The following CMTM4 variants were observed in gnomAD, a reference collection of about 807,000 sequenced individuals.
The protein encoded by CMTM4 is CKLF like MARVEL transmembrane domain containing 4, also known as CKLF-like MARVEL transmembrane domain-containing protein 4.
A neutral mutation model predicts 19.0 loss-of-function variants in CMTM4; 8 were observed. That is an observed-to-expected ratio of 0.42 (90% CI 0.25 to 0.76). CMTM4 has a LOEUF of 0.76. Among genes scored for constraint, CMTM4 ranks in the 30% least tolerant of loss-of-function variants. CMTM4 has a pLI of 0.27. For synonymous variants in CMTM4, 106 were observed against 121.1 expected, an observed-to-expected ratio of 0.88 and a Z score of 0.82; for missense variants, 228 against 290.2, an observed-to-expected ratio of 0.79 and a Z score of 1.56.
At chr16:66,609,539 C>T in the CMTM4 span, 1 of 1,583,282 alleles carries the variant, frequency 6.3e-7, no homozygotes. This position sits in a 1 kb window ranked among gnomAD's most constrained non-coding sequence, Gnocchi z 4.4. Flanking sequence ...GGGTGAGCAG[C>T]CGCCCCACCC....
intron 1 of CMTM4, among the ~76,000 whole-genome samples, chr16:66,682,980 T>C (rs896296419): frequency 1.3e-5 from 2 of 151,810 alleles, no homozygotes; most frequent in South Asian, 2.1e-4. Context: ...ATCTGTCTCC[T>C]AAGCAAAATC....
downstream of CMTM4, chr16:66,613,029 A>G (rs1309199759): frequency 1.4e-6 from 1 of 702,898 alleles, no homozygotes; most frequent in South Asian, 1.5e-5. Context: ...AACAGGAACA[A>G]AGACAGAAAC....
At chr16:66,672,802 T>C (rs2016735004) in intron 1 of CMTM4, among the ~76,000 whole-genome samples, 1 of 146,684 alleles carries the variant, frequency 6.8e-6, no homozygotes, top group Non-Finnish European at 1.5e-5. Context: ...TTTTTTTGTA[T>C]TTTTAGTAGA....
At chr16:66,613,344 G>A (rs2015455734), downstream of CMTM4, 1 of 541,322 alleles carries the variant, frequency 1.8e-6, no homozygotes, top group South Asian at 2.4e-5. Flanking sequence ...GAAGACAGAG[G>A]GTACAACAGT....
chr16:66,633,817 CAAA>C (rs1388711559), intron 2 of CMTM4, among the ~76,000 whole-genome samples: 2 of 103,702 alleles, frequency 1.9e-5, no homozygotes, highest in Non-Finnish European at 2.0e-5. Flanking sequence ...GACCCCATCT[CAAA>C]AAAAAAAAAA....
chr16:66,669,680 TAC>T (rs775461881), intron 1 of CMTM4, among the ~76,000 whole-genome samples: 5 of 152,172 alleles, frequency 3.3e-5, no homozygotes, highest in African/African-American at 4.8e-5. Context: ...TAGCTGGGAC[TAC>T]AGACACTCGC....
At chr16:66,676,268 T>C (rs2016809501) in intron 1 of CMTM4, among the ~76,000 whole-genome samples, 1 of 152,194 alleles carries the variant, frequency 6.6e-6, no homozygotes, top group African/African-American at 2.4e-5. Flanking sequence ...AGAGTTGATG[T>C]GTCATATACG....
chr16:66,617,746 G>C lies in CMTM4; in HGVS notation c.*4312C>G. On this transcript the variant is annotated 3_prime_UTR_variant, in exon 4 of 4. Transcript: ENST00000394106. ...TAAAAGCTGAGGGTGTCAGGCCTGC[G>C]TCCTGTCTGAGATGGCAGCCAAGCC... 9.8e-7 allele frequency: 1 copy of C among 1,017,058 alleles called. No homozygotes were observed. Among genetic ancestry groups the C allele is most frequent in the Non-Finnish European group, 1.2e-6 (1 of 850,160 alleles). 63.0% of individuals were successfully genotyped at this position (1,017,058 alleles called of 1,614,324 possible).
chr16:66,685,195 G>C, intron 1 of CMTM4, among the ~76,000 whole-genome samples: 1 of 152,256 alleles, frequency 6.6e-6, no homozygotes, highest in South Asian at 2.1e-4. Context: ...AATTGAGACT[G>C]TCTGGGAAAA....
chr16:66,680,188 A>G (rs1261457663), intron 1 of CMTM4, among the ~76,000 whole-genome samples: 1 of 152,198 alleles, frequency 6.6e-6, no homozygotes, highest in Non-Finnish European at 1.5e-5. Context: ...ATAATAAATC[A>G]TAACTGCCGG....
chr16:66,667,915 AAAT>A (rs1174903684), intron 1 of CMTM4, among the ~76,000 whole-genome samples: 2 of 151,770 alleles, frequency 1.3e-5, no homozygotes, highest in African/African-American at 4.8e-5. Flanking sequence ...CCATCTTTGG[AAAT>A]AATATTTCTT....
rs1281323752 is a variant in CMTM4, at chr16:66,622,766, G to A, written c.463-544C>T. ...CCTGCCTCTCATGGGGCAGCTCCAA[G>A]TAAGCAGCTCCAGAGTAAGAAGCAC... On this transcript the variant is annotated intron_variant, in intron 3 of 3. Transcript: ENST00000394106. The surrounding 1 kb of genome is among the most constrained non-coding windows in gnomAD (Gnocchi z 4.0). Among the ~76,000 whole-genome samples, 1 of 152,204 alleles carries A rather than the reference G, an allele frequency of 6.6e-6. No homozygotes were observed. Among genetic ancestry groups the A allele is most frequent in the East Asian group, 1.9e-4 (1 of 5,198 alleles).
the CMTM4 span, among the ~76,000 whole-genome samples, chr16:66,608,848 A>C: frequency 7.2e-5 from 11 of 152,324 alleles, no homozygotes; most frequent in Non-Finnish European, 1.6e-4. The surrounding 1 kb of genome is among the most constrained non-coding windows in gnomAD (Gnocchi z 5.1). Context: ...GCCATCGGCA[A>C]CCCTGACCTC....
At chr16:66,612,676 C>T, downstream of CMTM4, 1 of 1,607,168 alleles carries the variant, frequency 6.2e-7, no homozygotes, top group Non-Finnish European at 8.5e-7. The surrounding 1 kb of genome is among the most constrained non-coding windows in gnomAD (Gnocchi z 6.0). Flanking sequence ...GCCACACAGG[C>T]CTCCACCCCT....
chr16:66,666,046 T>G (rs1159634470), intron 1 of CMTM4, among the ~76,000 whole-genome samples: 1 of 150,472 alleles, frequency 6.6e-6, no homozygotes, highest in Non-Finnish European at 1.5e-5. Flanking sequence ...CACTCCAGCC[T>G]GGGCGACAGA....
chr16:66,608,311 T>C, the CMTM4 span: 1 of 1,614,138 alleles, frequency 6.2e-7, no homozygotes, highest in Non-Finnish European at 8.5e-7. This position sits in a 1 kb window ranked among gnomAD's most constrained non-coding sequence, Gnocchi z 5.1. Context: ...CCCCGCAGGG[T>C]CTCTCATTCA....
intron 2 of CMTM4, among the ~76,000 whole-genome samples, chr16:66,635,839 G>A (rs543544803): frequency 4.6e-5 from 7 of 152,298 alleles, no homozygotes; most frequent in Admixed American, 3.9e-4. Flanking sequence ...CCAGCCCTGT[G>A]CTTCCCATCT....
At chr16:66,656,892 T>C (rs535999099) in intron 1 of CMTM4, among the ~76,000 whole-genome samples, 5 of 152,256 alleles carry the variant, frequency 3.3e-5, no homozygotes, top group African/African-American at 1.2e-4. Flanking sequence ...CTCGCCTGTA[T>C]TCTTCAACTG....
Position 66,620,632 on chromosome 16 carries a change from A to G in CMTM4, c.*1426T>C, listed in dbSNP as rs1020615920. 7.1e-6 allele frequency: 7 copies of G among 985,616 alleles called. No individual in the cohort carries two copies. The highest frequency in any genetic ancestry group is 1.7e-5 in the African/African-American group (1 of 57,232). 61.1% of individuals were successfully genotyped at this position (985,616 alleles called of 1,614,324 possible). On this transcript the variant is annotated 3_prime_UTR_variant, in exon 4 of 4. Transcript: ENST00000394106. ...ACACAGTACGCTGCTAAAGCTGTCA[A>G]CATTTGTCAGCACTTGATCTTGGGG...
Sources: gnomAD v4.1 joint callset for allele counts (sites outside exome capture counted in the v4.1 genomes callset) on GRCh38, gnomAD v4.1.1 for gene constraint, Gnocchi (gnomAD v3.1) non-coding constraint, MANE v1.5 for transcripts, NCBI Gene and HGNC (gene_info 2026-07-23, HGNC 2026-07-21) for gene names.